TENM4: variants seen among roughly 807,000 people sequenced by gnomAD.
TENM4 encodes the protein teneurin transmembrane protein 4, also known as teneurin-4.
Under a neutral mutation model 243.3 loss-of-function variants are expected in TENM4, and 82 were observed. The observed-to-expected ratio is 0.34, with a 90% confidence interval of 0.28 to 0.40. The LOEUF (loss-of-function observed/expected upper bound fraction) is 0.40, where lower values mean the gene tolerates loss of function less well. Ranked by LOEUF, TENM4 falls within the 10% of genes least tolerant of loss-of-function variation. The pLI, the probability that TENM4 is intolerant of heterozygous loss-of-function variation, is 1.00. For synonymous variants in TENM4, 1,412 were observed against 1,456.3 expected (o/e 0.97, Z 0.69); for missense variants, 3,138 against 3,673.3 (o/e 0.85, Z 3.77).
chr11:79,080,108 G>A (rs1860630032), intron 4 of TENM4, among the ~76,000 whole-genome samples: 1 of 152,190 alleles, frequency 6.6e-6, no homozygotes, highest in African/African-American at 2.4e-5. Context: ...ACTGAAGACC[G>A]GGCTGGTCTG....
chr11:79,318,482 G>T (rs574306351), intron 1 of TENM4, among the ~76,000 whole-genome samples: 1 of 152,262 alleles, frequency 6.6e-6, no homozygotes, highest in African/African-American at 2.4e-5. Flanking sequence ...GAAAAAAAAG[G>T]CTTGATTTGT....
At chr11:78,949,431 C>T (rs769426340) in intron 6 of TENM4, among the ~76,000 whole-genome samples, 9 of 152,092 alleles carry the variant, frequency 5.9e-5, no homozygotes, top group South Asian at 2.1e-4. Context: ...AATCAGAAGG[C>T]GTGGATTTGA....
chr11:78,784,877 A>G (rs1216182633), intron 16 of TENM4, among the ~76,000 whole-genome samples: 1 of 150,908 alleles, frequency 6.6e-6, no homozygotes, highest in East Asian at 1.9e-4. Flanking sequence ...AACATGAGTC[A>G]TGTGTGACTA....
intron 24 of TENM4, 30 bp downstream of exon 24, chr11:78,722,638 G>T (rs118179632): frequency 0.013 from 20,686 of 1,600,844 alleles, 154 homozygotes; most frequent in Non-Finnish European, 0.015. Flanking sequence ...ATATTATTAG[G>T]AACTATGAAG....
At chr11:79,337,626 C>A (rs902715363) in intron 1 of TENM4, among the ~76,000 whole-genome samples, 8 of 152,168 alleles carry the variant, frequency 5.3e-5, no homozygotes, top group African/African-American at 1.9e-4. Context: ...TGGACCATAA[C>A]CTATGAAAAA....
At chr11:79,410,244 A>G (rs1228769165) in intron 1 of TENM4, among the ~76,000 whole-genome samples, 1 of 152,124 alleles carries the variant, frequency 6.6e-6, no homozygotes, top group African/African-American at 2.4e-5. Context: ...ATTGTTACCT[A>G]CACTCAAATC....
chr11:78,911,769 G>T (rs559849612), intron 6 of TENM4, among the ~76,000 whole-genome samples: 2 of 152,184 alleles, frequency 1.3e-5, no homozygotes, highest in East Asian at 3.9e-4. Context: ...CTCACCAGAT[G>T]TGGCCCCCTG....
chr11:79,112,343 C>T (rs1358267705), intron 4 of TENM4, among the ~76,000 whole-genome samples: 1 of 152,068 alleles, frequency 6.6e-6, no homozygotes, highest in African/African-American at 2.4e-5. Context: ...GTTGGGGGCA[C>T]AGAGAGTGTA....
chr11:78,766,222 A>C (rs1591006942), intron 18 of TENM4, among the ~76,000 whole-genome samples: 1 of 152,264 alleles, frequency 6.6e-6, no homozygotes, highest in South Asian at 2.1e-4. Context: ...ACTTTTAATC[A>C]TTGTGCTATG....
intron 1 of TENM4, among the ~76,000 whole-genome samples, chr11:79,400,145 A>ACACC (rs1333144765): frequency 1.1e-4 from 14 of 130,600 alleles, no homozygotes; most frequent in African/African-American, 2.4e-4. Flanking sequence ...ACACACACAC[A>ACACC]CCCTCCAGGA....
chr11:79,401,455 C>T (rs1858460058), intron 1 of TENM4, among the ~76,000 whole-genome samples: 1 of 152,214 alleles, frequency 6.6e-6, no homozygotes, highest in African/African-American at 2.4e-5. Flanking sequence ...AAAGGTGACA[C>T]TCAAATGGAG....
intron 9 of TENM4, among the ~76,000 whole-genome samples, chr11:78,879,826 T>A (rs1859382279): frequency 6.7e-6 from 1 of 149,472 alleles, no homozygotes; most frequent in African/African-American, 2.5e-5. Context: ...ATCTGGGAGG[T>A]GAGGAGCACC....
At chr11:79,360,984 T>C (rs1369092050) in intron 1 of TENM4, among the ~76,000 whole-genome samples, 4 of 152,216 alleles carry the variant, frequency 2.6e-5, no homozygotes, top group Non-Finnish European at 5.9e-5. Context: ...CAGAGCTCCA[T>C]GTGACTGTCC....
chr11:78,858,177 T>C (rs976996544), intron 10 of TENM4, among the ~76,000 whole-genome samples: 1 of 152,206 alleles, frequency 6.6e-6, no homozygotes, highest in African/African-American at 2.4e-5. Context: ...TCAATGAGCG[T>C]ATTTTTAGGA....
intron 6 of TENM4, among the ~76,000 whole-genome samples, chr11:79,013,769 T>C (rs553817865): frequency 1.8e-4 from 28 of 152,262 alleles, no homozygotes; most frequent in Middle Eastern, 3.4e-3. Flanking sequence ...GACCAGGAAG[T>C]CCTAGAGGAA....
chr11:79,019,933 A>C (rs933616397), intron 6 of TENM4, among the ~76,000 whole-genome samples: 1 of 152,150 alleles, frequency 6.6e-6, no homozygotes, highest in African/African-American at 2.4e-5. Flanking sequence ...GACAGGTGCC[A>C]AGGCCTTCAG....
rs145306019 is a variant in TENM4, at chr11:79,082,204, C to T, written c.-65-12195G>A. ...GCAAAGCTCTCTGACTTTCTCTTTGCCTAATGAAAGCCCCAAAGCTGGAAA... is the reference window on the plus strand; with the variant it reads ...GCAAAGCTCTCTGACTTTCTCTTTGTCTAATGAAAGCCCCAAAGCTGGAAA... On this transcript the variant is annotated intron_variant, in intron 4 of 33. Transcript: ENST00000278550. 5.3e-5 allele frequency among the ~76,000 whole-genome samples: 8 copies of T among 152,286 alleles called. No individual in the cohort carries two copies. In the East Asian group the frequency reaches 1.4e-3, roughly 26 times the overall value.
chr11:78,886,928 C>T (rs1006180898), intron 9 of TENM4, among the ~76,000 whole-genome samples: 6 of 152,340 alleles, frequency 3.9e-5, no homozygotes, highest in South Asian at 2.1e-4. Context: ...TCTCCACCTA[C>T]GTTGTCAGTG....
At chr11:78,934,424 T>C (rs1274845329) in intron 6 of TENM4, among the ~76,000 whole-genome samples, 1 of 152,074 alleles carries the variant, frequency 6.6e-6, no homozygotes, top group African/African-American at 2.4e-5. Context: ...TGTGGGATCT[T>C]TCCCCAACTC....
Sources: allele counts gnomAD v4.1 joint callset (sites outside exome capture counted in the v4.1 genomes callset), GRCh38; gene constraint gnomAD v4.1.1; transcripts MANE v1.5; gene names NCBI Gene and HGNC (gene_info 2026-07-23, HGNC 2026-07-21).